RBFOX1: variants seen among roughly 807,000 people sequenced by gnomAD.
RBFOX1 encodes RNA binding protein fox-1 homolog 1.
A neutral mutation model predicts 57.7 loss-of-function variants in RBFOX1; 8 were observed. The ratio of observed to expected loss-of-function variants is 0.14; its 90% CI spans 0.08 to 0.25. The LOEUF (loss-of-function observed/expected upper bound fraction) is 0.25. RBFOX1 is among the 10% of genes least tolerant of loss of function. RBFOX1 has a pLI of 1.00. For synonymous variants in RBFOX1, 326 were observed against 222.4 expected, an observed-to-expected ratio of 1.47 and a Z score of -4.15; for missense variants, 611 against 548.5, an observed-to-expected ratio of 1.11 and a Z score of -1.14.
At chr16:7,283,767 C>G (rs1603484867) in intron 4 of RBFOX1, among the ~76,000 whole-genome samples, 1 of 152,154 alleles carries the variant, frequency 6.6e-6, no homozygotes, top group African/African-American at 2.4e-5. Flanking sequence ...GTCATCAGAT[C>G]ATTGCATCAA....
intron 4 of RBFOX1, among the ~76,000 whole-genome samples, chr16:7,265,964 G>GTTTTTTTT (rs1204871254): frequency 1.4e-5 from 1 of 70,236 alleles, no homozygotes; most frequent in African/African-American, 6.5e-5. Flanking sequence ...GTGGGTTTTT[G>GTTTTTTTT]TTTTTTTTTT....
chr16:7,434,079 A>G (rs991425610), intron 4 of RBFOX1, among the ~76,000 whole-genome samples: 5 of 152,220 alleles, frequency 3.3e-5, no homozygotes, highest in Non-Finnish European at 7.3e-5. Context: ...TAAAGCAGGT[A>G]AAAAGGAAGA....
intron 5 of RBFOX1, among the ~76,000 whole-genome samples, chr16:7,522,936 A>G (rs1045142511): frequency 6.6e-6 from 1 of 152,190 alleles, no homozygotes; most frequent in Admixed American, 6.5e-5. Context: ...CTATCCAGAT[A>G]ATGAATCTGT....
chr16:6,496,160 T>C (rs1007578506), intron 2 of RBFOX1, among the ~76,000 whole-genome samples: 9 of 152,172 alleles, frequency 5.9e-5, no homozygotes, highest in Admixed American at 4.6e-4. Context: ...GCTTACAGCA[T>C]TGGTATTTGT....
intron 3 of RBFOX1, among the ~76,000 whole-genome samples, chr16:5,715,604 C>T (rs900573918): frequency 6.6e-6 from 1 of 152,218 alleles, no homozygotes; most frequent in Non-Finnish European, 1.5e-5. Flanking sequence ...TGTGACCTTT[C>T]TTGTTTTCTG....
intron 4 of RBFOX1, among the ~76,000 whole-genome samples, chr16:7,303,658 A>T (rs1370130616): frequency 6.6e-6 from 1 of 152,166 alleles, no homozygotes; most frequent in African/African-American, 2.4e-5. Context: ...CATTTGACAA[A>T]TGAGGAGACA....
In RBFOX1 at chr16:6,256,191, A is replaced by ATATG. The variant is rs1567788022; in HGVS notation, c.-126-60801_-126-60800insGTAT. ...TATATGTATATATATATATACGTAT[A>ATATG]TATATGTATATGTATATGTGTATAT... On this transcript the variant is annotated intron_variant, in intron 1 of 15. Transcript: ENST00000550418. 1.9e-3 allele frequency among the ~76,000 whole-genome samples: 34 copies of ATATG among 17,494 alleles called. 1 individual carries two copies. Among genetic ancestry groups the ATATG allele is most frequent in the East Asian group, 0.01 (2 of 196 alleles). 11.5% of individuals were successfully genotyped at this position (17,494 alleles called of 152,430 possible).
chr16:7,351,687 G>A (rs1334137156), intron 4 of RBFOX1, among the ~76,000 whole-genome samples: 1 of 152,054 alleles, frequency 6.6e-6, no homozygotes, highest in Admixed American at 6.6e-5. Context: ...GTTTGCCTTA[G>A]AGACACCTGG....
intron 3 of RBFOX1, among the ~76,000 whole-genome samples, chr16:5,677,045 C>G (rs919214929): frequency 6.6e-6 from 1 of 152,140 alleles, no homozygotes; most frequent in African/African-American, 2.4e-5. Context: ...TCAACTAAAA[C>G]CGGTCTCCAA....
At chr16:6,201,670 T>C (rs2097216387) in intron 1 of RBFOX1, among the ~76,000 whole-genome samples, 1 of 152,138 alleles carries the variant, frequency 6.6e-6, no homozygotes, top group African/African-American at 2.4e-5. Flanking sequence ...AAGAGTGGAA[T>C]TAGAATGTTC....
intron 2 of RBFOX1, among the ~76,000 whole-genome samples, chr16:6,401,253 G>A (rs2093056087): frequency 6.6e-6 from 1 of 152,178 alleles, no homozygotes; most frequent in Non-Finnish European, 1.5e-5. Flanking sequence ...CCAGATCTGG[G>A]ATAATCTGAG....
chr16:6,310,140 C>T (rs942336160), intron 1 of RBFOX1, among the ~76,000 whole-genome samples: 1 of 152,192 alleles, frequency 6.6e-6, no homozygotes, highest in African/African-American at 2.4e-5. Context: ...CCCACCTCGG[C>T]CTACGAAAGT....
chr16:6,089,236 A>C (rs1285206349), intron 1 of RBFOX1, among the ~76,000 whole-genome samples: 4 of 152,128 alleles, frequency 2.6e-5, no homozygotes, highest in Non-Finnish European at 1.5e-5. Flanking sequence ...GATCCCGATT[A>C]ACTGAGTAGC....
chr16:7,026,719 T>C (rs2041066396), intron 3 of RBFOX1, among the ~76,000 whole-genome samples: 1 of 152,184 alleles, frequency 6.6e-6, no homozygotes, highest in South Asian at 2.1e-4. Context: ...CTGAACCCTC[T>C]TTCTTCCATA....
chr16:7,514,302 C>T (rs2075859877), intron 4 of RBFOX1, among the ~76,000 whole-genome samples: 1 of 152,196 alleles, frequency 6.6e-6, no homozygotes, highest in Non-Finnish European at 1.5e-5. Flanking sequence ...TTGCTAGGTC[C>T]TCTCTTCATC....
At chr16:6,842,155 AAAATAAATAAATAAAT>A (rs57858897) in intron 3 of RBFOX1, among the ~76,000 whole-genome samples, 1 of 148,036 alleles carries the variant, frequency 6.8e-6, no homozygotes, top group Non-Finnish European at 1.5e-5. Context: ...AAAAAAATAA[AAAATAAATAAATAAAT>A]AAATAAATAA....
chr16:5,722,259 CAT>C (rs1164955902), intron 3 of RBFOX1, among the ~76,000 whole-genome samples: 7 of 152,186 alleles, frequency 4.6e-5, no homozygotes, highest in Non-Finnish European at 8.8e-5. Flanking sequence ...GTTATTGTAA[CAT>C]AATTAGGCTA....
At chr16:7,185,739 A>G (rs1367759425) in intron 4 of RBFOX1, among the ~76,000 whole-genome samples, 3 of 152,200 alleles carry the variant, frequency 2.0e-5, no homozygotes, top group Non-Finnish European at 4.4e-5. Flanking sequence ...AGGCACATAA[A>G]TGTCGAGATA....
At chr16:6,049,641 T>C (rs1309653244) in intron 1 of RBFOX1, among the ~76,000 whole-genome samples, 1 of 152,150 alleles carries the variant, frequency 6.6e-6, no homozygotes, top group Non-Finnish European at 1.5e-5. Flanking sequence ...TATTAAATAG[T>C]GGTTTAATTT....
Sources: gnomAD v4.1 joint callset for allele counts (sites outside exome capture counted in the v4.1 genomes callset) on GRCh38, gnomAD v4.1.1 for gene constraint, MANE v1.5 for transcripts, NCBI Gene and HGNC (gene_info 2026-07-23, HGNC 2026-07-21) for gene names.